The following BTNL8 variants were observed in gnomAD, a reference collection of about 807,000 sequenced individuals.
BTNL8 encodes the protein butyrophilin-like protein 8.
Under a neutral mutation model 36.1 loss-of-function variants are expected in BTNL8, and 22 were observed. The observed-to-expected ratio is 0.61, with a 90% CI of 0.44 to 0.87. The LOEUF is 0.87. Ranked by LOEUF, BTNL8 falls within the 40% of genes least tolerant of loss-of-function variation. The pLI is 0.00. For missense variants in BTNL8, 526 were observed against 616.9 expected, an observed-to-expected ratio of 0.85 and a Z score of 1.56; for synonymous variants, 203 against 235.6, an observed-to-expected ratio of 0.86 and a Z score of 1.27.
rs1759381728 is a variant in BTNL8 at position 180,948,431 on chromosome 5, T to C, written c.808+56T>C. ...CACATGGTTCTCCCGGGTCCCTCCC[T>C]GATCCACAGTTTGAGCCTCTGGACG... On this transcript the variant is annotated intron_variant, in intron 5 of 7. Transcript: ENST00000340184. 1.3e-5 allele frequency: 20 copies of C among 1,588,414 alleles called. 1 individual carries two copies. Among genetic ancestry groups the C allele is most frequent in the East Asian group, 2.3e-5 (1 of 43,294 alleles).
At chr5:180,932,601 G>A (rs966636073) in intron 3 of BTNL8, among the ~76,000 whole-genome samples, 5 of 151,940 alleles carry the variant, frequency 3.3e-5, no homozygotes, top group Non-Finnish European at 5.9e-5. Flanking sequence ...CGCCCGCCTC[G>A]GCCTCCCAAA....
chr5:180,942,755 C>T (rs1320947193), intron 3 of BTNL8, among the ~76,000 whole-genome samples: 1 of 151,842 alleles, frequency 6.6e-6, no homozygotes, highest in African/African-American at 2.4e-5. Flanking sequence ...ATGAACTAAC[C>T]CCTATCTCTC....
At chr5:180,909,678 G>C (rs7710851) in intron 2 of BTNL8, 9,817 of 703,060 alleles carry the variant, frequency 0.014, 292 homozygotes, top group South Asian at 0.1. Flanking sequence ...CCAGGAGCTC[G>C]AGACCAGCCT....
intron 1 of BTNL8, chr5:180,902,395 A>G (rs1488130554): frequency 4.1e-5 from 64 of 1,550,602 alleles, no homozygotes; most frequent in Non-Finnish European, 5.5e-5. Context: ...GGTTTGTCAA[A>G]TGTAAGGAGA....
At chr5:180,904,839 C>G (rs1051625940) in intron 1 of BTNL8, among the ~76,000 whole-genome samples, 2 of 151,804 alleles carry the variant, frequency 1.3e-5, no homozygotes, top group Admixed American at 6.6e-5. Context: ...TATTGATTTG[C>G]GTATATTGAA....
Position 180,899,195 on chromosome 5 carries a change from T to A in BTNL8, c.-116T>A. 1 of 1,246,928 alleles carries A rather than the reference T, an allele frequency of 8.0e-7. No homozygotes were observed. The allele number at this position is 1,246,928 out of a possible 1,614,324, so 77.2% of individuals were successfully genotyped here. A position where few individuals can be genotyped will look rare whatever the true frequency, so the allele number is the denominator to read the frequency against. ...GTTTGCCCTCCGCTCACGCAGAGCC[T>A]CTCCGTGGCTTCCGCACCTTGAGCA... is the stretch of plus-strand genomic sequence containing the variant. On this transcript the variant is annotated 5_prime_UTR_variant, in exon 1 of 8. Transcript: ENST00000340184.
chr5:180,930,465 T>C (rs1758316845), intron 3 of BTNL8, among the ~76,000 whole-genome samples: 1 of 152,136 alleles, frequency 6.6e-6, no homozygotes, highest in African/African-American at 2.4e-5. Context: ...GCCTGGGCAG[T>C]CAGGCAAGAG....
At chr5:180,923,936 A>C (rs1162762871) in intron 3 of BTNL8, among the ~76,000 whole-genome samples, 1 of 152,230 alleles carries the variant, frequency 6.6e-6, no homozygotes, top group South Asian at 2.1e-4. Flanking sequence ...TTATACTCTT[A>C]TTAAGGATTA....
intron 3 of BTNL8, among the ~76,000 whole-genome samples, chr5:180,913,259 C>T (rs1210133174): frequency 6.6e-6 from 1 of 152,178 alleles, no homozygotes; most frequent in Non-Finnish European, 1.5e-5. Context: ...GAAGTAGCCT[C>T]TCCACCTTCA....
At chr5:180,945,911 C>CTCT in intron 3 of BTNL8, 1 of 313,446 alleles carries the variant, frequency 3.2e-6, no homozygotes. Context: ...GAACTAAGTG[C>CTCT]TCTTCCTTGA....
At chr5:180,939,649 C>T (rs963697996) in intron 3 of BTNL8, among the ~76,000 whole-genome samples, 2 of 152,106 alleles carry the variant, frequency 1.3e-5, no homozygotes, top group East Asian at 1.9e-4. Context: ...AAGCTGGGGG[C>T]TTCAACACCC....
chr5:180,926,130 C>T (rs769114820), intron 3 of BTNL8, among the ~76,000 whole-genome samples: 2 of 152,096 alleles, frequency 1.3e-5, no homozygotes, highest in Non-Finnish European at 2.9e-5. Flanking sequence ...GTACCTGGCT[C>T]ATCTCATTGG....
intron 7 of BTNL8, 180 bp downstream of exon 7, chr5:180,949,445 C>A: frequency 1.0e-6 from 1 of 1,004,498 alleles, no homozygotes. Context: ...ACTTCTTTCC[C>A]TTGGTCTAGA....
At position 180,949,494 on chromosome 5, in the gene BTNL8, G is replaced by GC. The variant is rs1348787112; in HGVS notation, c.862+229_862+230insC. 1.7e-5 allele frequency: 12 copies of GC among 689,282 alleles called. 3 individuals are homozygous for GC. The highest frequency in any genetic ancestry group is 6.8e-5 in the Admixed American group (2 of 29,478). 42.7% of individuals were successfully genotyped at this position (689,282 alleles called of 1,614,324 possible). ...GGGGCTGGGTAAACGGGAGACGGGG[G>GC]GGTCTTTGGCACAGTTTCAGGGAAT... is the stretch of plus-strand genomic sequence containing the variant. On this transcript the variant is annotated intron_variant, in intron 7 of 7. Transcript: ENST00000340184.
Position 180,950,345 on chromosome 5 carries a change from G to T in BTNL8, c.1304G>T (p.Arg435Leu), listed in dbSNP as rs754423182. 1 of 1,463,114 alleles carries T rather than the reference G, an allele frequency of 6.8e-7. No homozygotes were observed. Among genetic ancestry groups the T allele is most frequent in the African/African-American group, 1.4e-5 (1 of 72,442 alleles). 90.6% of individuals were successfully genotyped at this position (1,463,114 alleles called of 1,614,324 possible). A position where few individuals can be genotyped will look rare whatever the true frequency, so the allele number is the denominator to read the frequency against. ...TCCCTTATTTATACCCTGACATGTC[G>T]GTTTGAAGGCTTATTGAGGCCCTAC... The part of the protein sequence containing the change: ...DQSLIYTLTC[R>L]FEGLLRPYIE... The change falls in exon 8 of 8, where the codon CGG (arginine) becomes CTG (leucine). Residue 435 changes from arginine to leucine, a missense_variant. Around this residue, in one of 2 missense-constraint regions of BTNL8, gnomAD observed 176 missense variants for 292.3 expected, o/e 0.60. Transcript: ENST00000340184.
At chr5:180,931,621 C>A (rs553300034) in intron 3 of BTNL8, among the ~76,000 whole-genome samples, 2 of 152,040 alleles carry the variant, frequency 1.3e-5, no homozygotes, top group African/African-American at 4.8e-5. Context: ...AGAAAAAAAA[C>A]AAACAATGCC....
chr5:180,930,564 G>C (rs534447342), intron 3 of BTNL8, among the ~76,000 whole-genome samples: 1 of 152,166 alleles, frequency 6.6e-6, no homozygotes, highest in African/African-American at 2.4e-5. Flanking sequence ...GAAAACCCCG[G>C]TGTCTCAGCC....
At chr5:180,921,551 G>C (rs1757858725) in intron 3 of BTNL8, among the ~76,000 whole-genome samples, 1 of 151,960 alleles carries the variant, frequency 6.6e-6, no homozygotes, top group African/African-American at 2.4e-5. Context: ...ATTTGTGCAA[G>C]ATGAAGAAGT....
At chr5:180,899,397 G>C in intron 1 of BTNL8, 38 bp downstream of exon 1, 1 of 1,587,346 alleles carries the variant, frequency 6.3e-7, no homozygotes, top group Non-Finnish European at 8.7e-7. Context: ...CTAACTAACA[G>C]TTTGAGTTCT....
Sources: gnomAD v4.1 joint callset for allele counts (sites outside exome capture counted in the v4.1 genomes callset) on GRCh38, gnomAD v4.1.1 for gene constraint, gnomAD v4.1.1 regional missense constraint, MANE v1.5 for transcripts, NCBI Gene and HGNC (gene_info 2026-07-23, HGNC 2026-07-21) for gene names.